Variants in SEC13 observed in about 807,000 individuals in gnomAD.
SEC13 encodes the protein protein SEC13 homolog.
In SEC13, 25 loss-of-function variants were observed where a neutral mutation model predicts 49.2. That is an observed-to-expected ratio of 0.51 (90% CI 0.37 to 0.71). SEC13 has a LOEUF of 0.71. Among genes scored for constraint, SEC13 ranks in the 30% least tolerant of loss-of-function variants. The probability of loss-of-function intolerance (pLI) is 0.00; values close to 1 mark genes in which losing one functional copy is unlikely to be tolerated. For missense variants in SEC13, 383 were observed against 417.6 expected (o/e 0.92, Z 0.72); for synonymous variants, 148 against 163.9 (o/e 0.90, Z 0.74).
intron 5 of SEC13, 89 bp from the exon 6 acceptor site, chr3:10,305,781 C>A: frequency 6.9e-7 from 1 of 1,452,076 alleles, no homozygotes; most frequent in Middle Eastern, 1.8e-4. Flanking sequence ...CCCTCCGCTT[C>A]TCAGGACTGG....
At chr3:10,303,826 A>C (rs2125243436) in intron 8 of SEC13, 200 bp downstream of exon 8, 2 of 614,962 alleles carry the variant, frequency 3.3e-6, no homozygotes, top group South Asian at 3.7e-5. Context: ...TTCTTTCCTC[A>C]TCTGTGAAAG....
chr3:10,305,711 T>C lies in SEC13; in HGVS notation c.451-19A>G. On this transcript the variant is annotated intron_variant, in intron 5 of 8. Transcript: ENST00000350697. ...AGCCAATCTGTAAAGATGGGACACA[T>C]GGTGACTCTGCCTTGCAAGAGAACA... 4 of 1,613,886 alleles carry C rather than the reference T, an allele frequency of 2.5e-6. No individual in the cohort carries two copies. Among genetic ancestry groups the C allele is most frequent in the South Asian group, 1.1e-5 (1 of 91,080 alleles).
chr3:10,317,981 C>G, intron 2 of SEC13, 69 bp downstream of exon 2: 1 of 1,106,890 alleles, frequency 9.0e-7, no homozygotes, highest in Non-Finnish European at 1.4e-6. Context: ...ATGAAAACCC[C>G]AAATTGCTTC....
At chr3:10,311,077 CT>C (rs1701223348) in intron 5 of SEC13, among the ~76,000 whole-genome samples, 1 of 150,842 alleles carries the variant, frequency 6.6e-6, no homozygotes, top group South Asian at 2.1e-4. Context: ...TGTGTGGAGT[CT>C]GTGTGTTCTC....
intron 4 of SEC13, 102 bp downstream of exon 4, chr3:10,312,477 C>G (rs1315073917): frequency 7.8e-6 from 11 of 1,404,520 alleles, no homozygotes; most frequent in Non-Finnish European, 1.1e-5. Flanking sequence ...AAGAGACAGA[C>G]AAGAGGCACC....
intron 8 of SEC13, chr3:10,303,661 C>T: frequency 3.3e-6 from 1 of 302,644 alleles, no homozygotes; most frequent in Non-Finnish European, 6.4e-6. Flanking sequence ...CCCCAATCTT[C>T]TTCTGTTTAT....
intron 8 of SEC13, chr3:10,303,500 C>T: frequency 5.1e-6 from 1 of 196,030 alleles, no homozygotes; most frequent in Non-Finnish European, 1.1e-5. Flanking sequence ...CATTTGGGTC[C>T]CTGAGCAGCT....
intron 8 of SEC13, among the ~76,000 whole-genome samples, chr3:10,303,336 T>G (rs952955589): frequency 2.4e-4 from 36 of 152,240 alleles, no homozygotes; most frequent in African/African-American, 7.5e-4. Context: ...GCGTTAGAGA[T>G]CCTCTGTCTT....
intron 6 of SEC13, 157 bp from the exon 7 acceptor site, chr3:10,305,313 A>G (rs1037831183): frequency 1.8e-6 from 2 of 1,089,278 alleles, no homozygotes; most frequent in Non-Finnish European, 2.4e-6. Flanking sequence ...CCCCAGCTGT[A>G]AAAAAAACCC....
chr3:10,319,064 C>T (rs2059715963), intron 1 of SEC13: 1 of 1,357,512 alleles, frequency 7.4e-7, no homozygotes. Context: ...CTTTGCTCAA[C>T]CACTCTTCTC....
At chr3:10,309,454 T>A (rs1194336266) in intron 5 of SEC13, among the ~76,000 whole-genome samples, 2 of 152,236 alleles carry the variant, frequency 1.3e-5, no homozygotes, top group Non-Finnish European at 2.9e-5. Context: ...TTTTTCACAC[T>A]GTTTATCCTT....
chr3:10,301,383 C>G lies in SEC13; in HGVS notation c.856-9G>C, dbSNP rs749112400. The G allele has an allele frequency of 1.4e-5, 23 of 1,614,146 alleles. No homozygotes were observed. The highest frequency in any genetic ancestry group is 2.2e-5 in the East Asian group (1 of 44,880). On this transcript the variant is annotated splice_polypyrimidine_tract_variant and intron_variant, in intron 8 of 8. Coordinates refer to ENST00000350697, the MANE Select transcript of SEC13 (RefSeq NM_183352.3). ...TCCTTCCACAGGGTCACCTGCGAGT[C>G]AGTGCACAAGCAGATTATCACGGGT...
At chr3:10,312,929 T>G (rs1239351702) in intron 3 of SEC13, 199 bp from the exon 4 acceptor site, 5 of 550,778 alleles carry the variant, frequency 9.1e-6, no homozygotes, top group Non-Finnish European at 1.6e-5. Flanking sequence ...TTAAGCAACC[T>G]AAGGTCACAG....
Position 10,315,405 on chromosome 3 carries a change from C to G in SEC13, c.80G>C (p.Arg27Pro). The G allele has an allele frequency of 3.3e-6, 5 of 1,499,014 alleles. No homozygotes were observed. The highest frequency in any genetic ancestry group is 4.5e-6 in the Non-Finnish European group (5 of 1,114,022). The allele number at this position is 1,499,014 out of a possible 1,614,324, so 92.9% of individuals were successfully genotyped here. ...HDAQMDYYGT[R>P]LATCSSDRSV... ...CCTGTCTGATGAGCAGGTTGCCAGGCGGGTGCCATAGTAGTCCATCTGGGC... is the reference window on the plus strand; with the variant it reads ...CCTGTCTGATGAGCAGGTTGCCAGGGGGGTGCCATAGTAGTCCATCTGGGC... Residue 27 changes from arginine to proline, a missense_variant, in exon 3 of 9, where the codon CGC (arginine) becomes CCC (proline). Physicochemically the swap from Arg to Pro is moderately radical, Grantham distance 103 (BLOSUM62 -2). Transcript: ENST00000350697.
intron 1 of SEC13, chr3:10,319,014 T>C (rs1295473643): frequency 3.4e-6 from 3 of 874,716 alleles, no homozygotes; most frequent in Non-Finnish European, 5.2e-6. Flanking sequence ...GACTATTTGC[T>C]GAATGAATAA....
chr3:10,301,411 G>C, intron 8 of SEC13, 37 bp from the exon 9 acceptor site: 1 of 1,613,388 alleles, frequency 6.2e-7, no homozygotes, highest in African/African-American at 1.3e-5. Flanking sequence ...TCACGGGTCT[G>C]TGCCCTTCCC....
intron 5 of SEC13, among the ~76,000 whole-genome samples, chr3:10,307,972 CTAG>C (rs1700993520): frequency 6.6e-6 from 1 of 152,192 alleles, no homozygotes. Flanking sequence ...CTTGTATCCT[CTAG>C]TAGATTTCTC....
intron 8 of SEC13, among the ~76,000 whole-genome samples, chr3:10,302,660 T>A (rs1482780618): frequency 6.6e-6 from 1 of 152,166 alleles, no homozygotes; most frequent in Non-Finnish European, 1.5e-5. Flanking sequence ...GCTAGATCTT[T>A]CTGGGACCAC....
Position 10,301,295 on chromosome 3 carries a change from G to C in SEC13, c.935C>G (p.Ala312Gly). ...GTTCTGCTGGCCCTCTGTCACTGAT[G>C]CTGATACGGAGCCCTGGCCCTTGTT... The part of the protein sequence containing the change: ...DVNKGQGSVS[A>G]SVTEGQQNEQ The change falls in exon 9 of 9, where the codon GCA becomes GGA. Residue 312 changes from alanine to glycine, a missense_variant. Coordinates refer to ENST00000350697, the MANE Select transcript of SEC13 (RefSeq NM_183352.3). The C allele has an allele frequency of 6.2e-7, 1 of 1,614,148 alleles. No individual in the cohort carries two copies.
Sources: gnomAD v4.1 joint callset for allele counts (sites outside exome capture counted in the v4.1 genomes callset) on GRCh38, gnomAD v4.1.1 for gene constraint, MANE v1.5 for transcripts, NCBI Gene and HGNC (gene_info 2026-07-23, HGNC 2026-07-21) for gene names.